The following SETD1A variants were observed in gnomAD, a reference collection of about 807,000 sequenced individuals.
The protein encoded by SETD1A is histone-lysine N-methyltransferase SETD1A.
A neutral mutation model predicts 149.9 loss-of-function variants in SETD1A; 29 were observed. The observed-to-expected ratio is 0.19, with a 90% CI of 0.14 to 0.26. SETD1A has a LOEUF of 0.26. SETD1A is among the 10% of genes least tolerant of loss of function. The pLI is 1.00. For missense variants in SETD1A, 2,109 were observed against 2,353.1 expected, an observed-to-expected ratio of 0.90 and a Z score of 2.15; for synonymous variants, 1,141 against 968.5, an observed-to-expected ratio of 1.18 and a Z score of -3.31.
chr16:30,967,220 C>A (rs537238162), intron 9 of SETD1A, among the ~76,000 whole-genome samples, 160 bp downstream of exon 9: 1 of 152,264 alleles, frequency 6.6e-6, no homozygotes, highest in Non-Finnish European at 1.5e-5. Context: ...GTGGCCTGAT[C>A]TCAGCTCACT....
In SETD1A at chr16:30,965,116, T is replaced by C. The variant is rs774823415; in HGVS notation, c.1374T>C (p.Thr458=). ...GCCCTGAGAGAGAAGAAGTTCGGACTTCCCCCCGCCCAGCCTCCCCTGCCC... is the reference window on the plus strand; with the variant it reads ...GCCCTGAGAGAGAAGAAGTTCGGACCTCCCCCCGCCCAGCCTCCCCTGCCC... ...GPSPEREEVR[T]SPRPASPARS... The change falls in exon 7 of 19, where the codon ACT becomes ACC. Residue 458 remains threonine, a synonymous_variant. Transcript: ENST00000262519. 1.2e-6 allele frequency: 2 copies of C among 1,611,782 alleles called. No homozygotes were observed. Among genetic ancestry groups the C allele is most frequent in the South Asian group, 1.1e-5 (1 of 91,068 alleles).
rs1235564272 is a variant in SETD1A at position 30,965,625 on chromosome 16, G to A, written c.1744G>A (p.Asp582Asn). The change falls in exon 8 of 19, where the codon GAC becomes AAC. Residue 582 changes from aspartate (D) to asparagine (N), a missense_variant. Physicochemically the swap from Asp to Asn is conservative, Grantham distance 23. This residue lies in a region of SETD1A where 431 missense variants were observed against 388.6 expected (regional missense o/e 1.11). Transcript: ENST00000262519. Reference protein sequence around the residue: ...NQASPCSSGDDMEISDDDRGG... With the variant: ...NQASPCSSGDNMEISDDDRGG... ...GGCTTCTCCATGCTCTTCTGGAGAC[G>A]ACATGGAGATCTCCGACGACGACCG... 2 of 1,613,222 alleles carry A rather than the reference G, an allele frequency of 1.2e-6. No homozygotes were observed. Among genetic ancestry groups the A allele is most frequent in the Admixed American group, 1.7e-5 (1 of 59,918 alleles).
intron 8 of SETD1A, 57 bp from the exon 9 acceptor site, chr16:30,966,823 TCAGG>T (rs2056154095): frequency 8.8e-6 from 13 of 1,479,940 alleles, no homozygotes; most frequent in Non-Finnish European, 9.9e-6. Flanking sequence ...GGAGTAGGTC[TCAGG>T]CAGGAGGGAA....
chr16:30,969,514 A>T (rs146117546), intron 11 of SETD1A, 52 bp downstream of exon 11: 1 of 1,600,016 alleles, frequency 6.2e-7, no homozygotes, highest in South Asian at 1.1e-5. Flanking sequence ...CATAGCCAGC[A>T]TCTTTGTGGT....
At chr16:30,972,005 T>A (rs531138041) in intron 13 of SETD1A, among the ~76,000 whole-genome samples, 2 of 152,178 alleles carry the variant, frequency 1.3e-5, no homozygotes, top group Non-Finnish European at 2.9e-5. Context: ...GTTGAATAAG[T>A]TCTTCCTCCT....
chr16:30,959,069 C>T (rs750832926), intron 2 of SETD1A, 22 bp from the exon 3 acceptor site: 25 of 1,573,236 alleles, frequency 1.6e-5, no homozygotes, highest in Admixed American at 3.3e-5. Flanking sequence ...AGCTCTCTTT[C>T]TGCTGCTGCT....
rs1057011436 is a variant in SETD1A, at chr16:30,963,966, T to C, written c.640-128T>C. On this transcript the variant is annotated intron_variant, in intron 5 of 18. Coordinates refer to ENST00000262519, the MANE Select transcript of SETD1A (RefSeq NM_014712.3). ...GAGATCACGCCACTGGACTCCAGCC[T>C]GGGCAATAGAGCGAGACTCCGTCTC... 30 of 754,900 alleles carry C rather than the reference T, an allele frequency of 4.0e-5. No individual in the cohort carries two copies. In the Admixed American group the frequency reaches 5.3e-4, roughly 13 times the overall value. The allele number at this position is 754,900 out of a possible 1,614,324, so 46.8% of individuals were successfully genotyped here.
chr16:30,958,579 G>T (rs535603983), intron 1 of SETD1A, 138 bp from the exon 2 acceptor site: 6 of 692,460 alleles, frequency 8.7e-6, no homozygotes, highest in Non-Finnish European at 1.2e-5. Flanking sequence ...GGGAGAATCC[G>T]GGGGAGCCCC....
chr16:30,969,523 G>A (rs2056197824), intron 11 of SETD1A, 61 bp downstream of exon 11: 9 of 1,600,262 alleles, frequency 5.6e-6, no homozygotes, highest in South Asian at 4.5e-5. Context: ...CATCTTTGTG[G>A]TTGGAGCCCA....
intron 8 of SETD1A, 132 bp from the exon 9 acceptor site, chr16:30,966,751 TG>T: frequency 1.9e-6 from 2 of 1,038,290 alleles, no homozygotes; most frequent in African/African-American, 1.6e-5. Context: ...GTGCGGGGGC[TG>T]GGACAGGTGT....
chr16:30,959,058 G>C (rs1285303632), intron 2 of SETD1A, 33 bp from the exon 3 acceptor site: 1 of 1,546,006 alleles, frequency 6.5e-7, no homozygotes, highest in African/African-American at 1.4e-5. Context: ...GATTCACCCT[G>C]AGCTCTCTTT....
intron 13 of SETD1A, among the ~76,000 whole-genome samples, chr16:30,978,442 C>T (rs952486262): frequency 3.3e-5 from 5 of 152,042 alleles, no homozygotes; most frequent in African/African-American, 1.2e-4. Flanking sequence ...ATGCACTCCC[C>T]GTCCTGAGGG....
intron 1 of SETD1A, chr16:30,958,388 A>C: frequency 2.8e-5 from 2 of 72,716 alleles, no homozygotes; most frequent in Non-Finnish European, 4.6e-5. Flanking sequence ...CTGGCCGGTG[A>C]GGAGGCGGGA....
Position 30,981,133 on chromosome 16 carries a change from G to A in SETD1A, c.4765G>A (p.Ala1589Thr). The A allele has an allele frequency of 6.2e-7, 1 of 1,614,232 alleles. No homozygotes were observed. ...GGGTCTGTTTGCCATGGAACCCATT[G>A]CTGCTGACGAGATGGTCATCGAATA... ...EWGLFAMEPI[A>T]ADEMVIEYVG... Residue 1589 changes from alanine (A) to threonine (T), a missense_variant, in exon 17 of 19, where the codon GCT becomes ACT. By Grantham distance (58) the Ala-to-Thr change is moderately conservative. This residue lies in a region of SETD1A where 254 missense variants were observed against 409.3 expected (regional missense o/e 0.62). Transcript: ENST00000262519.
intron 13 of SETD1A, among the ~76,000 whole-genome samples, chr16:30,972,532 G>A (rs2056237634): frequency 6.6e-6 from 1 of 152,032 alleles, no homozygotes; most frequent in South Asian, 2.1e-4. Flanking sequence ...CAGCTACTCA[G>A]GAGGCTGAGG....
chr16:30,961,638 A>AACTG lies in SETD1A; in HGVS notation c.517+102_517+105dup. 1 of 1,053,894 alleles carries AACTG rather than the reference A, an allele frequency of 9.5e-7. No individual in the cohort carries two copies. Among genetic ancestry groups the AACTG allele is most frequent in the Non-Finnish European group, 1.4e-6 (1 of 710,660 alleles). The allele number at this position is 1,053,894 out of a possible 1,614,324, so 65.3% of individuals were successfully genotyped here. On this transcript the variant is annotated intron_variant, in intron 4 of 18. Transcript: ENST00000262519. This position sits in a 1 kb window ranked among gnomAD's most constrained non-coding sequence, Gnocchi z 4.0. ...GCAGGCGCCCAGGGTCATGATCTGA[A>AACTG]ACTGCTGGGGCCAGTTGTGTTTCTG...
Position 30,972,746 on chromosome 16 carries a change from C to T in SETD1A, c.3358+1027C>T, listed in dbSNP as rs534313191. ...GCGCACACCTGTGATCCCAGCTGCT[C>T]GGGAGGCTGAGGTGGGAGGATCACT... is the stretch of plus-strand genomic sequence containing the variant. On this transcript the variant is annotated intron_variant, in intron 13 of 18. Transcript: ENST00000262519. 1.0e-4 allele frequency among the ~76,000 whole-genome samples: 15 copies of T among 150,614 alleles called. No homozygotes were observed. In the South Asian group the frequency reaches 2.5e-3, roughly 25 times the overall value.
Position 30,961,619 on chromosome 16 carries a change from G to A in SETD1A, c.517+82G>A, listed in dbSNP as rs1207828172. ...AAATGCCTGTCAGGGTCAGGCAGGC[G>A]CCCAGGGTCATGATCTGAAACTGCT... On this transcript the variant is annotated intron_variant, in intron 4 of 18. Transcript: ENST00000262519. The surrounding 1 kb of genome is among the most constrained non-coding windows in gnomAD (Gnocchi z 4.0). 8.0e-6 allele frequency: 11 copies of A among 1,367,700 alleles called. No homozygotes were observed. The highest frequency in any genetic ancestry group is 5.9e-5 in the African/African-American group (4 of 68,256). The allele number at this position is 1,367,700 out of a possible 1,614,324, so 84.7% of individuals were successfully genotyped here.
chr16:30,967,673 C>G, intron 10 of SETD1A, 85 bp downstream of exon 10: 1 of 1,165,896 alleles, frequency 8.6e-7, no homozygotes, highest in Non-Finnish European at 1.3e-6. Flanking sequence ...GGGGTCAGGT[C>G]GTCCTGAGGG....
Sources: allele counts gnomAD v4.1 joint callset (sites outside exome capture counted in the v4.1 genomes callset), GRCh38; gene constraint gnomAD v4.1.1; regional missense constraint gnomAD v4.1.1; non-coding constraint Gnocchi (gnomAD v3.1); transcripts MANE v1.5; gene names NCBI Gene and HGNC (gene_info 2026-07-23, HGNC 2026-07-21).